The following ZNF700 variants were observed in gnomAD, a reference collection of about 807,000 sequenced individuals.
ZNF700 encodes the protein zinc finger protein 700.
In ZNF700, 38 loss-of-function variants were observed where a neutral mutation model predicts 65.3. The observed-to-expected ratio is 0.58, with a 90% CI of 0.45 to 0.76. The LOEUF is 0.76. Ranked by LOEUF, ZNF700 falls within the 30% of genes least tolerant of loss-of-function variation. ZNF700 has a pLI of 0.00. For missense variants in ZNF700, 857 were observed against 888.4 expected, an observed-to-expected ratio of 0.96 and a Z score of 0.45; for synonymous variants, 285 against 290.4, an observed-to-expected ratio of 0.98 and a Z score of 0.19.
chr19:11,928,987 A>C (rs1368152469), intron 1 of ZNF700, among the ~76,000 whole-genome samples: 2 of 147,934 alleles, frequency 1.4e-5, no homozygotes, highest in Non-Finnish European at 2.9e-5. Flanking sequence ...GTTTCCCTTC[A>C]GTCATTTACA....
chr19:11,929,454 C>A (rs1415354256), intron 1 of ZNF700, among the ~76,000 whole-genome samples: 2 of 148,408 alleles, frequency 1.3e-5, no homozygotes, highest in Non-Finnish European at 2.9e-5. Context: ...TGAACCACTG[C>A]GCCCGGCCTG....
In ZNF700 at chr19:11,934,539, G is replaced by A. The variant is rs995509420; in HGVS notation, c.63+9266G>A. Among the ~76,000 whole-genome samples, 13 of 147,246 alleles carry A rather than the reference G, an allele frequency of 8.8e-5. No homozygotes were observed. In the East Asian group the frequency reaches 2.5e-3, roughly 29 times the overall value. On this transcript the variant is annotated intron_variant, in intron 1 of 3. Coordinates refer to ENST00000254321, the MANE Select transcript of ZNF700 (RefSeq NM_144566.3). ...TTTTTCTTTGTTTGTTTGTTTGTTT[G>A]TTTGGAGATGCAGTTTCGCTTTTGT...
intron 1 of ZNF700, among the ~76,000 whole-genome samples, chr19:11,934,750 C>A (rs900169903): frequency 6.8e-6 from 1 of 147,904 alleles, no homozygotes; most frequent in Non-Finnish European, 1.5e-5. Context: ...AGGTCTCAAA[C>A]TCCTGACCTC....
intron 1 of ZNF700, among the ~76,000 whole-genome samples, chr19:11,936,250 G>C (rs1328097825): frequency 6.6e-6 from 1 of 152,154 alleles, no homozygotes; most frequent in Non-Finnish European, 1.5e-5. Flanking sequence ...CTAGATCCTT[G>C]AGGAATCGCC....
chr19:11,948,911 A>G lies in ZNF700; in HGVS notation c.887A>G (p.His296Arg), dbSNP rs746435217. 1.9e-6 allele frequency: 3 copies of G among 1,606,644 alleles called. No individual in the cohort carries two copies. Among genetic ancestry groups the G allele is most frequent in the African/African-American group, 1.3e-5 (1 of 74,300 alleles). The change falls in exon 4 of 4, where the codon CAT (histidine) becomes CGT (arginine). Residue 296 changes from histidine to arginine, a missense_variant. His to Arg is a conservative substitution (Grantham distance 29). Around this residue, in one of 3 missense-constraint regions of ZNF700, gnomAD observed 603 missense variants for 619.9 expected, o/e 0.97. Coordinates refer to ENST00000254321, the MANE Select transcript of ZNF700 (RefSeq NM_144566.3). ...AFHSSSSYHR[H>R]ERSHMGEKPY... is the part of the protein sequence containing the mutation. Reference sequence around the variant, plus strand: ...CATAGTTCTAGTTCCTATCATAGACATGAAAGAAGTCACATGGGAGAGAAG... The same window carrying G: ...CATAGTTCTAGTTCCTATCATAGACGTGAAAGAAGTCACATGGGAGAGAAG...
At chr19:11,941,560 A>G (rs1159872243) in intron 1 of ZNF700, among the ~76,000 whole-genome samples, 1 of 152,188 alleles carries the variant, frequency 6.6e-6, no homozygotes, top group Non-Finnish European at 1.5e-5. Flanking sequence ...CTCATTGCCC[A>G]GGGCCAGCAG....
At chr19:11,936,067 A>G (rs1404380078) in intron 1 of ZNF700, among the ~76,000 whole-genome samples, 1 of 152,194 alleles carries the variant, frequency 6.6e-6, no homozygotes, top group Admixed American at 6.5e-5. Context: ...GTAGTATTCC[A>G]TGGTGTATAT....
chr19:11,941,660 T>A (rs1425480452), intron 1 of ZNF700, among the ~76,000 whole-genome samples: 2 of 151,848 alleles, frequency 1.3e-5, no homozygotes, highest in Non-Finnish European at 2.9e-5. Context: ...CAGCCCCAGT[T>A]CCCGCTCGCG....
At position 11,936,258 on chromosome 19, in the gene ZNF700, G is replaced by A. The variant is rs560537464; in HGVS notation, c.64-10923G>A. On this transcript the variant is annotated intron_variant, in intron 1 of 3. Coordinates refer to ENST00000254321, the MANE Select transcript of ZNF700 (RefSeq NM_144566.3). ...TCTAGTTCTAGATCCTTGAGGAATCGCCACACTGTCTTCCACAATGGTTGA... is the reference window on the plus strand; with the variant it reads ...TCTAGTTCTAGATCCTTGAGGAATCACCACACTGTCTTCCACAATGGTTGA... 9.9e-5 allele frequency among the ~76,000 whole-genome samples: 15 copies of A among 152,228 alleles called. 1 individual carries two copies. The highest frequency in any genetic ancestry group is 4.1e-4 in the South Asian group (2 of 4,828).
At chr19:11,929,952 G>A (rs1387566639) in intron 1 of ZNF700, among the ~76,000 whole-genome samples, 1 of 148,258 alleles carries the variant, frequency 6.7e-6, no homozygotes, top group East Asian at 1.9e-4. Context: ...TTTGCAGGGT[G>A]ATATGTCTTC....
In ZNF700 at chr19:11,950,354, A is replaced by G; in HGVS notation, c.*101A>G. The G allele has an allele frequency of 8.4e-7, 1 of 1,194,484 alleles. No individual in the cohort carries two copies. Among genetic ancestry groups the G allele is most frequent in the Non-Finnish European group, 1.2e-6 (1 of 828,404 alleles). 74.0% of individuals were successfully genotyped at this position (1,194,484 alleles called of 1,614,324 possible). ...TTCACATTTTCCAGTTCTTTTCGAT[A>G]TCATGAAAGGACTCACACTGGGGAG... On this transcript the variant is annotated 3_prime_UTR_variant, in exon 4 of 4. Transcript: ENST00000254321.
At chr19:11,925,743 C>A (rs1235767015) in intron 1 of ZNF700, among the ~76,000 whole-genome samples, 1 of 152,148 alleles carries the variant, frequency 6.6e-6, no homozygotes, top group Admixed American at 6.5e-5. Context: ...AGAAACACCC[C>A]GTCCTGGGTT....
chr19:11,943,039 G>T (rs1452260877), intron 1 of ZNF700, among the ~76,000 whole-genome samples: 1 of 152,144 alleles, frequency 6.6e-6, no homozygotes, highest in East Asian at 1.9e-4. Flanking sequence ...GTGGACCAAG[G>T]TAGTGACAAA....
chr19:11,950,063 A>C lies in ZNF700; in HGVS notation c.2039A>C (p.His680Pro). The change falls in exon 4 of 4, where the codon CAT becomes CCT. Residue 680 changes from histidine to proline, a missense_variant. This residue lies in a region of ZNF700 where 251 missense variants were observed against 250.3 expected (regional missense o/e 1.00). Transcript: ENST00000254321. ...GGAGAGAAGCCCTATGAATGTAAGC[A>C]TTGTGGGAATGGATTCACATCTGCC... ...HRGEKPYECK[H>P]CGNGFTSAKI... 1.9e-6 allele frequency: 3 copies of C among 1,614,226 alleles called. No homozygotes were observed. Among genetic ancestry groups the C allele is most frequent in the Non-Finnish European group, 2.5e-6 (3 of 1,180,028 alleles).
At chr19:11,936,746 G>T (rs560294181) in intron 1 of ZNF700, among the ~76,000 whole-genome samples, 1 of 152,172 alleles carries the variant, frequency 6.6e-6, no homozygotes, top group Non-Finnish European at 1.5e-5. Flanking sequence ...TGGTGTTTTA[G>T]TCATGAAGTC....
chr19:11,947,714 A>T (rs1018712073), intron 3 of ZNF700, 140 bp downstream of exon 3: 7 of 895,928 alleles, frequency 7.8e-6, no homozygotes, highest in Non-Finnish European at 1.2e-5. Context: ...AAAAACATAT[A>T]TTTAAACGTG....
chr19:11,948,352 G>A lies in ZNF700; in HGVS notation c.328G>A (p.Asp110Asn). 1 of 1,613,984 alleles carries A rather than the reference G, an allele frequency of 6.2e-7. No individual in the cohort carries two copies. The highest frequency in any genetic ancestry group is 1.1e-5 in the South Asian group (1 of 91,076). ...AGAAACTTTTACCCAGGTTCCAGAT[G>A]ACAGACTGAACTTCCAGGAGAAGAA... is the stretch of plus-strand genomic sequence containing the variant. ...CGETFTQVPDDRLNFQEKKAS... is the reference protein window; with the variant it reads ...CGETFTQVPDNRLNFQEKKAS... The change falls in exon 4 of 4, where the codon GAC (aspartate) becomes AAC (asparagine). Residue 110 changes from aspartate (D) to asparagine (N), a missense_variant. Physicochemically the swap from Asp to Asn is conservative, Grantham distance 23. Transcript: ENST00000254321.
chr19:11,948,914 A>G lies in ZNF700; in HGVS notation c.890A>G (p.Glu297Gly), dbSNP rs1973008662. Residue 297 changes from glutamate to glycine, a missense_variant, in exon 4 of 4, where the codon GAA (glutamate) becomes GGA (glycine). Physicochemically the swap from Glu to Gly is moderately conservative, Grantham distance 98. Transcript: ENST00000254321. ...FHSSSSYHRH[E>G]RSHMGEKPYQ... Reference sequence around the variant, plus strand: ...AGTTCTAGTTCCTATCATAGACATGAAAGAAGTCACATGGGAGAGAAGCCT... The same window carrying G: ...AGTTCTAGTTCCTATCATAGACATGGAAGAAGTCACATGGGAGAGAAGCCT... 1 of 1,606,770 alleles carries G rather than the reference A, an allele frequency of 6.2e-7. No individual in the cohort carries two copies. The highest frequency in any genetic ancestry group is 8.5e-7 in the Non-Finnish European group (1 of 1,178,426).
intron 1 of ZNF700, among the ~76,000 whole-genome samples, chr19:11,934,879 T>A (rs1360286637): frequency 6.8e-6 from 1 of 147,684 alleles, no homozygotes; most frequent in African/African-American, 2.7e-5. Context: ...TGTCATATGT[T>A]TGCCATAATT....
Sources: gnomAD v4.1 joint callset for allele counts (sites outside exome capture counted in the v4.1 genomes callset) on GRCh38, gnomAD v4.1.1 for gene constraint, gnomAD v4.1.1 regional missense constraint, MANE v1.5 for transcripts, NCBI Gene and HGNC (gene_info 2026-07-23, HGNC 2026-07-21) for gene names.